CDK15: variants seen among roughly 807,000 people sequenced by gnomAD.
CDK15 encodes the protein cyclin dependent kinase 15.
A neutral mutation model predicts 60.3 loss-of-function variants in CDK15; 62 were observed. That is an observed-to-expected ratio of 1.03 (90% confidence interval 0.84 to 1.27). The LOEUF (loss-of-function observed/expected upper bound fraction) is 1.27, where lower values mean the gene tolerates loss of function less well. Among genes scored for constraint, CDK15 ranks in the 50% most tolerant of loss-of-function variants. CDK15 has a pLI of 0.00. For missense variants in CDK15, 541 were observed against 527.8 expected (o/e 1.03, Z -0.25); for synonymous variants, 194 against 195.7 (o/e 0.99, Z 0.07).
intron 10 of CDK15, among the ~76,000 whole-genome samples, chr2:201,856,854 CA>C (rs1332406988): frequency 1.3e-5 from 2 of 152,232 alleles, no homozygotes; most frequent in Non-Finnish European, 2.9e-5. Context: ...ATCCTTAATA[CA>C]AAATGTCTTG....
chr2:201,888,886 G>A (rs1452833978), intron 12 of CDK15: 4 of 1,034,896 alleles, frequency 3.9e-6, no homozygotes, highest in Admixed American at 1.0e-4. Context: ...GAGAATAATT[G>A]GTAAAGTATA....
intron 8 of CDK15, 71 bp downstream of exon 8, chr2:201,835,834 T>C: frequency 8.3e-7 from 1 of 1,211,486 alleles, no homozygotes; most frequent in Non-Finnish European, 1.1e-6. Flanking sequence ...CATTATATTT[T>C]AATAATAATT....
chr2:201,855,693 GA>G (rs2105789277), intron 10 of CDK15, among the ~76,000 whole-genome samples: 1 of 152,296 alleles, frequency 6.6e-6, no homozygotes, highest in East Asian at 1.9e-4. Flanking sequence ...TGGCAGGGTT[GA>G]AGGGGAGGTA....
At chr2:201,808,549 A>G (rs113615814) in intron 3 of CDK15, 17 of 152,166 alleles carry the variant, frequency 1.1e-4, no homozygotes, top group South Asian at 4.2e-4. Context: ...TTTGTTAAAT[A>G]TATGTAAAAG....
chr2:201,815,891 A>G (rs1361875753), intron 4 of CDK15, among the ~76,000 whole-genome samples: 2 of 152,154 alleles, frequency 1.3e-5, no homozygotes, highest in African/African-American at 4.8e-5. Flanking sequence ...TGTTGTAGAG[A>G]TAAAGAAATT....
intron 10 of CDK15, among the ~76,000 whole-genome samples, chr2:201,855,412 G>A (rs574742516): frequency 6.6e-4 from 101 of 152,340 alleles, no homozygotes; most frequent in African/African-American, 2.3e-3. Context: ...TTCATTCATT[G>A]CCTGTAAACC....
chr2:201,855,010 G>T (rs1698085883), intron 10 of CDK15, 73 bp downstream of exon 10: 12 of 1,407,200 alleles, frequency 8.5e-6, no homozygotes, highest in Non-Finnish European at 1.1e-5. Context: ...CGCTAACAGG[G>T]CGTTCTTGTA....
At position 201,871,940 on chromosome 2, in the gene CDK15, G is replaced by A. The variant is rs193211186; in HGVS notation, c.1010-338G>A. ...ACATTTTGCCTTTTTAGGAGGATGT[G>A]AGTCAAATTGCATTAGGGCCCACCC... On this transcript the variant is annotated intron_variant, in intron 10 of 13. Coordinates refer to ENST00000652192, the MANE Select transcript of CDK15 (RefSeq NM_001366386.2). Among the ~76,000 whole-genome samples, 11 of 152,076 alleles carry A rather than the reference G, an allele frequency of 7.2e-5. No individual in the cohort carries two copies. In the East Asian group the frequency reaches 2.1e-3, roughly 29 times the overall value.
intron 10 of CDK15, among the ~76,000 whole-genome samples, chr2:201,867,928 A>T (rs1698697334): frequency 6.6e-6 from 1 of 152,238 alleles, no homozygotes; most frequent in South Asian, 2.1e-4. Flanking sequence ...CTTCTCAATT[A>T]TTTAACCAGA....
intron 6 of CDK15, among the ~76,000 whole-genome samples, chr2:201,828,815 G>T (rs900033103): frequency 6.6e-6 from 1 of 152,110 alleles, no homozygotes; most frequent in Admixed American, 6.5e-5. Flanking sequence ...TTTTGCATAG[G>T]CTTCATTGTG....
chr2:201,889,375 A>G, intron 12 of CDK15: 1 of 985,234 alleles, frequency 1.0e-6, no homozygotes, highest in Non-Finnish European at 1.2e-6. Flanking sequence ...GCCTCTTGCT[A>G]TTTTTCTCAG....
chr2:201,843,817 C>G (rs527694362), intron 8 of CDK15, among the ~76,000 whole-genome samples: 56 of 152,194 alleles, frequency 3.7e-4, no homozygotes, highest in South Asian at 8.3e-4. Context: ...ATGGTACTTA[C>G]GTAATGGCCT....
At position 201,847,453 on chromosome 2, in the gene CDK15, A is replaced by G. The variant is rs997681684; in HGVS notation, c.924A>G (p.Glu308=). 1 of 1,613,988 alleles carries G rather than the reference A, an allele frequency of 6.2e-7. No homozygotes were observed. The highest frequency in any genetic ancestry group is 1.7e-5 in the Admixed American group (1 of 60,012). ...TTCCTGGGGTTTCCAACATCCTTGA[A>G]CAGCTGGAGAAAATCTGGGAGGTAG... ...PLFPGVSNIL[E]QLEKIWEVLG... Residue 308 remains glutamate (E), a synonymous_variant, in exon 9 of 14, where the codon GAA becomes GAG. Transcript: ENST00000652192.
At position 201,855,055 on chromosome 2, in the gene CDK15, A is replaced by T. The variant is rs936894892; in HGVS notation, c.1009+118A>T. 29 of 815,276 alleles carry T rather than the reference A, an allele frequency of 3.6e-5. 1 individual carries two copies. In the Middle Eastern group the frequency reaches 1.1e-3, roughly 30 times the overall value. 50.5% of individuals were successfully genotyped at this position (815,276 alleles called of 1,614,324 possible). ...CAGCGGCAAAGATGGGTGTAGAGGA[A>T]TTTCTACATTCATATATTCCCTGAC... On this transcript the variant is annotated intron_variant, in intron 10 of 13. Transcript: ENST00000652192.
intron 3 of CDK15, 72 bp downstream of exon 3, chr2:201,808,024 A>G: frequency 2.3e-6 from 3 of 1,313,252 alleles, no homozygotes; most frequent in Non-Finnish European, 3.2e-6. Context: ...TTATAAAGCC[A>G]GGTGAGACAT....
intron 10 of CDK15, among the ~76,000 whole-genome samples, chr2:201,864,933 C>A (rs1183086665): frequency 6.6e-6 from 1 of 152,048 alleles, no homozygotes; most frequent in Non-Finnish European, 1.5e-5. Context: ...TTTAGTTGCC[C>A]AAAGGAGAGA....
chr2:201,860,917 A>G, intron 10 of CDK15: 1 of 1,331,370 alleles, frequency 7.5e-7, no homozygotes, highest in Non-Finnish European at 9.9e-7. Flanking sequence ...CCCCACTGGG[A>G]TGATAAAGAG....
chr2:201,825,177 G>A (rs1353564159), intron 6 of CDK15, among the ~76,000 whole-genome samples: 1 of 151,930 alleles, frequency 6.6e-6, no homozygotes, highest in Non-Finnish European at 1.5e-5. Context: ...AGCCAGGTGT[G>A]GTGGCGCACA....
At chr2:201,840,216 G>A (rs1030019986) in intron 8 of CDK15, among the ~76,000 whole-genome samples, 6 of 152,060 alleles carry the variant, frequency 3.9e-5, no homozygotes, top group Non-Finnish European at 7.4e-5. Context: ...AACTTTAGAT[G>A]TCAGGTGATC....
Sources: allele counts gnomAD v4.1 joint callset (sites outside exome capture counted in the v4.1 genomes callset), GRCh38; gene constraint gnomAD v4.1.1; transcripts MANE v1.5; gene names NCBI Gene and HGNC (gene_info 2026-07-23, HGNC 2026-07-21).